Variants in YIPF2 observed in about 807,000 individuals in gnomAD.
YIPF2 encodes protein YIPF2.
Under a neutral mutation model 38.8 loss-of-function variants are expected in YIPF2, and 30 were observed. The ratio of observed to expected loss-of-function variants is 0.77; its 90% CI spans 0.58 to 1.05. The LOEUF is 1.05. YIPF2 is among the 50% of genes least tolerant of loss of function. The pLI is 0.00. For missense variants in YIPF2, 401 were observed against 409.7 expected (o/e 0.98, Z 0.18); for synonymous variants, 194 against 183.8 (o/e 1.06, Z -0.45).
intron 2 of YIPF2, 35 bp from the exon 3 acceptor site, chr19:10,927,994 G>T (rs757998375): frequency 5.1e-6 from 8 of 1,581,968 alleles, no homozygotes; most frequent in Non-Finnish European, 6.9e-6. Flanking sequence ...ACGCACGTTT[G>T]AGGGGTGGAA....
intron 5 of YIPF2, among the ~76,000 whole-genome samples, chr19:10,925,088 C>T (rs1216209025): frequency 1.3e-5 from 2 of 151,924 alleles, no homozygotes; most frequent in Non-Finnish European, 2.9e-5. Flanking sequence ...AAAAATCAGC[C>T]GGGCATGGTG....
In YIPF2 at chr19:10,923,602, G is replaced by T; in HGVS notation, c.727C>A (p.Leu243Met). Residue 243 changes from leucine (L) to methionine (M), a missense_variant, in exon 8 of 10, where the codon CTG becomes ATG. Leu to Met is a conservative substitution (Grantham distance 15, BLOSUM62 2). Transcript: ENST00000586748. ...ALALGLSAAG[L>M]VFTLWPVVRE... ...ACCACGGGCCAGAGGGTGAATACCA[G>T]CCCGGCGGCTGACAGGCCCAGGGCC... 2 of 1,613,000 alleles carry T rather than the reference G, an allele frequency of 1.2e-6. No individual in the cohort carries two copies. Among genetic ancestry groups the T allele is most frequent in the Non-Finnish European group, 1.7e-6 (2 of 1,179,714 alleles).
chr19:10,924,008 G>A lies in YIPF2; in HGVS notation c.485-9C>T, dbSNP rs372073315. 21 of 1,612,324 alleles carry A rather than the reference G, an allele frequency of 1.3e-5. No homozygotes were observed. In the African/African-American group the frequency reaches 1.6e-4, roughly 12 times the overall value. ...GATGCCTGCCACGGTCACTGGGGGG[G>A]GCAAGGTGAGCAGTCACCCCCTGTA... On this transcript the variant is annotated splice_polypyrimidine_tract_variant and intron_variant, in intron 6 of 9. Transcript: ENST00000586748.
Position 10,923,813 on chromosome 19 carries a change from C to A in YIPF2, c.651+20G>T. 2 of 1,607,938 alleles carry A rather than the reference C, an allele frequency of 1.2e-6. No homozygotes were observed. The highest frequency in any genetic ancestry group is 4.5e-5 in the East Asian group (2 of 44,522). On this transcript the variant is annotated intron_variant, in intron 7 of 9. Coordinates refer to ENST00000586748, the MANE Select transcript of YIPF2 (RefSeq NM_001321439.2). The stretch of plus-strand genomic sequence containing the variant: ...TGTCCCCACACAGCCACCACCCACT[C>A]CGCGCCAGGCCACACTCACCACCAT...
At chr19:10,924,635 C>A (rs1342920529) in intron 5 of YIPF2, among the ~76,000 whole-genome samples, 2 of 152,132 alleles carry the variant, frequency 1.3e-5, no homozygotes, top group Non-Finnish European at 2.9e-5. Context: ...GCATCTCCGG[C>A]TTCATCCACA....
rs372686960 is a variant in YIPF2 at position 10,923,605 on chromosome 19, C to G, written c.724G>C (p.Gly242Arg). 1.2e-6 allele frequency: 2 copies of G among 1,612,992 alleles called. No individual in the cohort carries two copies. Among genetic ancestry groups the G allele is most frequent in the Non-Finnish European group, 1.7e-6 (2 of 1,179,692 alleles). ...ACGGGCCAGAGGGTGAATACCAGCCCGGCGGCTGACAGGCCCAGGGCCAGC... is the reference window on the plus strand; with the variant it reads ...ACGGGCCAGAGGGTGAATACCAGCCGGGCGGCTGACAGGCCCAGGGCCAGC... ...GALALGLSAA[G>R]LVFTLWPVVR... Residue 242 changes from glycine to arginine, a missense_variant, in exon 8 of 10, where the codon GGG (glycine) becomes CGG (arginine). Coordinates refer to ENST00000586748, the MANE Select transcript of YIPF2 (RefSeq NM_001321439.2).
Position 10,924,147 on chromosome 19 carries a change from G to A in YIPF2, c.413C>T (p.Thr138Ile). Residue 138 changes from threonine to isoleucine, a missense_variant, in exon 6 of 10, where the codon ACT (threonine) becomes ATT (isoleucine). Coordinates refer to ENST00000586748, the MANE Select transcript of YIPF2 (RefSeq NM_001321439.2). Reference sequence around the variant, plus strand: ...GGCCAGCACCAGCGTCAGGTTGCCAGTGACGGCCAGGACAAAGGCCAACGT... The same window carrying A: ...GGCCAGCACCAGCGTCAGGTTGCCAATGACGGCCAGGACAAAGGCCAACGT... ...CATLAFVLAV[T>I]GNLTLVLAQR... 6.2e-7 allele frequency: 1 copy of A among 1,613,568 alleles called. No individual in the cohort carries two copies. Among genetic ancestry groups the A allele is most frequent in the South Asian group, 1.1e-5 (1 of 91,086 alleles).
chr19:10,924,129 A>C lies in YIPF2; in HGVS notation c.431T>G (p.Val144Gly). The change falls in exon 6 of 10, where the codon GTG becomes GGG. Residue 144 changes from valine (V) to glycine (G), a missense_variant. Transcript: ENST00000586748. ...VLAVTGNLTL[V>G]LAQRRDPSIH... The stretch of plus-strand genomic sequence containing the variant: ...GGAGGGGTCCCTCCTCTGGGCCAGC[A>C]CCAGCGTCAGGTTGCCAGTGACGGC... 6.2e-7 allele frequency: 1 copy of C among 1,613,698 alleles called. No homozygotes were observed. Among genetic ancestry groups the C allele is most frequent in the South Asian group, 1.1e-5 (1 of 91,082 alleles).
At position 10,922,958 on chromosome 19, in the gene YIPF2, A is replaced by G. The variant is rs528397604; in HGVS notation, c.*236T>C. 4.8e-6 allele frequency: 1 copy of G among 208,804 alleles called. No individual in the cohort carries two copies. 12.9% of individuals were successfully genotyped at this position (208,804 alleles called of 1,614,324 possible). ...AGGGAAAGCAGGTGGCCCGGGGGGGATATGGGGGCCCCAGCCCTGTCCCAA... is the reference window on the plus strand; with the variant it reads ...AGGGAAAGCAGGTGGCCCGGGGGGGGTATGGGGGCCCCAGCCCTGTCCCAA... On this transcript the variant is annotated 3_prime_UTR_variant, in exon 10 of 10. Coordinates refer to ENST00000586748, the MANE Select transcript of YIPF2 (RefSeq NM_001321439.2).
At position 10,924,009 on chromosome 19, in the gene YIPF2, G is replaced by C. The variant is rs746374236; in HGVS notation, c.485-10C>G. The C allele has an allele frequency of 1.9e-6, 3 of 1,612,210 alleles. No homozygotes were observed. Among genetic ancestry groups the C allele is most frequent in the Non-Finnish European group, 2.5e-6 (3 of 1,179,084 alleles). On this transcript the variant is annotated splice_polypyrimidine_tract_variant and intron_variant, in intron 6 of 9. Coordinates refer to ENST00000586748, the MANE Select transcript of YIPF2 (RefSeq NM_001321439.2). Reference sequence around the variant, plus strand: ...ATGCCTGCCACGGTCACTGGGGGGGGCAAGGTGAGCAGTCACCCCCTGTAC... The same window carrying C: ...ATGCCTGCCACGGTCACTGGGGGGGCCAAGGTGAGCAGTCACCCCCTGTAC...
intron 5 of YIPF2, among the ~76,000 whole-genome samples, chr19:10,924,508 T>C (rs1340093453): frequency 6.6e-6 from 1 of 152,046 alleles, no homozygotes; most frequent in Non-Finnish European, 1.5e-5. Flanking sequence ...TCTTGGCCCC[T>C]TCCATGTCTG....
intron 7 of YIPF2, 61 bp from the exon 8 acceptor site, chr19:10,923,738 C>T (rs1728299129): frequency 6.3e-7 from 1 of 1,577,784 alleles, no homozygotes. Flanking sequence ...CCACTCTGCA[C>T]CAGGCCACCC....
At chr19:10,923,702 A>ACCC in intron 7 of YIPF2, 25 bp from the exon 8 acceptor site, 1 of 1,591,470 alleles carries the variant, frequency 6.3e-7, no homozygotes, top group Admixed American at 1.7e-5. Flanking sequence ...GCGGCAGGTG[A>ACCC]CCATGCCAGT....
At position 10,927,918 on chromosome 19, in the gene YIPF2, C is replaced by T; in HGVS notation, c.73G>A (p.Ala25Thr). The T allele has an allele frequency of 6.2e-7, 1 of 1,610,896 alleles. No individual in the cohort carries two copies. The highest frequency in any genetic ancestry group is 8.5e-7 in the Non-Finnish European group (1 of 1,177,522). ...ATNLLADTPD[A>T]ATTSRSDQLT... The stretch of plus-strand genomic sequence containing the variant: ...TGATCGCTTCTGCTGGTGGTGGCTG[C>T]ATCTGGGGTGTCAGCCAGAAGATTA... The change falls in exon 3 of 10, where the codon GCA becomes ACA. Residue 25 changes from alanine (A) to threonine (T), a missense_variant. Transcript: ENST00000586748.
intron 4 of YIPF2, 133 bp from the exon 5 acceptor site, chr19:10,925,906 T>A: frequency 6.9e-5 from 10 of 144,522 alleles, no homozygotes; most frequent in Non-Finnish European, 1.2e-4. Context: ...TTTCCCTCTC[T>A]TTTTTTTTTT....
rs764882622 is a variant in YIPF2 at position 10,923,499 on chromosome 19, C to T, written c.830G>A (p.Cys277Tyr). The T allele has an allele frequency of 1.2e-5, 19 of 1,612,756 alleles. No individual in the cohort carries two copies. In the South Asian group the frequency reaches 1.5e-4, roughly 13 times the overall value. The change falls in exon 8 of 10, where the codon TGT becomes TAT. Residue 277 changes from cysteine to tyrosine, a missense_variant. Transcript: ENST00000586748. Reference sequence around the variant, plus strand: ...GTGGCCACCCCAGACCCGTACCTTACAGCCCATGGCCAGGAGGGCGTGGAG... The same window carrying T: ...GTGGCCACCCCAGACCCGTACCTTATAGCCCATGGCCAGGAGGGCGTGGAG... ...VLLHALLAMG[C>Y]KLYFFQSLPP...
intron 4 of YIPF2, among the ~76,000 whole-genome samples, 174 bp from the exon 5 acceptor site, chr19:10,925,947 C>T (rs1192564583): frequency 7.0e-6 from 1 of 143,076 alleles, no homozygotes; most frequent in Non-Finnish European, 1.5e-5. Context: ...CTTGCTCTGT[C>T]GGCCAGGCTG....
At chr19:10,925,901 C>CTA in intron 4 of YIPF2, 128 bp from the exon 5 acceptor site, 1 of 754,728 alleles carries the variant, frequency 1.3e-6, no homozygotes, top group Non-Finnish European at 2.0e-6. Flanking sequence ...CAGCCTTTCC[C>CTA]TCTCTTTTTT....
At position 10,923,484 on chromosome 19, in the gene YIPF2, C is replaced by G; in HGVS notation, c.834+11G>C. On this transcript the variant is annotated intron_variant, in intron 8 of 9. Transcript: ENST00000586748. The stretch of plus-strand genomic sequence containing the variant: ...CCCTCGGCCCCACCTGTGGCCACCC[C>G]AGACCCGTACCTTACAGCCCATGGC... The G allele has an allele frequency of 1.9e-6, 3 of 1,613,044 alleles. No individual in the cohort carries two copies. Among genetic ancestry groups the G allele is most frequent in the Non-Finnish European group, 2.5e-6 (3 of 1,179,726 alleles).
Sources: allele counts gnomAD v4.1 joint callset (sites outside exome capture counted in the v4.1 genomes callset), GRCh38; gene constraint gnomAD v4.1.1; transcripts MANE v1.5; gene names NCBI Gene and HGNC (gene_info 2026-07-23, HGNC 2026-07-21).